Variants in PALLD observed in about 807,000 individuals in gnomAD.
PALLD encodes the protein palladin, cytoskeletal associated protein.
A neutral mutation model predicts 123.5 loss-of-function variants in PALLD; 61 were observed. That is an observed-to-expected ratio of 0.49 (90% CI 0.40 to 0.61). The LOEUF (loss-of-function observed/expected upper bound fraction) is 0.61, where lower values mean the gene tolerates loss of function less well. Ranked by LOEUF, PALLD falls within the 20% of genes least tolerant of loss-of-function variation. PALLD has a pLI of 0.00. For synonymous variants in PALLD, 465 were observed against 496.4 expected, an observed-to-expected ratio of 0.94 and a Z score of 0.84; for missense variants, 1,273 against 1,377.0, an observed-to-expected ratio of 0.92 and a Z score of 1.20.
chr4:168,573,578 T>C (rs1039572353), intron 2 of PALLD, among the ~76,000 whole-genome samples: 1 of 152,048 alleles, frequency 6.6e-6, no homozygotes, highest in Non-Finnish European at 1.5e-5. Flanking sequence ...GGACAATAAA[T>C]CAGTAACTAC....
At chr4:168,918,802 A>T (rs1760800839) in intron 17 of PALLD, among the ~76,000 whole-genome samples, 1 of 152,218 alleles carries the variant, frequency 6.6e-6, no homozygotes, top group Admixed American at 6.5e-5. Flanking sequence ...TCAATTAAAA[A>T]ACACTTAAAA....
At chr4:168,536,130 C>T (rs1458097304) in intron 2 of PALLD, among the ~76,000 whole-genome samples, 1 of 152,158 alleles carries the variant, frequency 6.6e-6, no homozygotes, top group Non-Finnish European at 1.5e-5. Flanking sequence ...TTTTAATAAT[C>T]TAATTATTCC....
At chr4:168,601,577 T>G (rs919042356) in intron 2 of PALLD, among the ~76,000 whole-genome samples, 5 of 152,076 alleles carry the variant, frequency 3.3e-5, no homozygotes, top group Non-Finnish European at 5.9e-5. Flanking sequence ...CATTCCTCTC[T>G]CTGAATAGAT....
At chr4:168,592,834 G>A (rs1454909014) in intron 2 of PALLD, among the ~76,000 whole-genome samples, 1 of 152,012 alleles carries the variant, frequency 6.6e-6, no homozygotes, top group East Asian at 1.9e-4. Flanking sequence ...ATTATACTGT[G>A]TGGGGCAACA....
At chr4:168,654,541 C>T (rs1250580573) in intron 2 of PALLD, among the ~76,000 whole-genome samples, 5 of 152,188 alleles carry the variant, frequency 3.3e-5, no homozygotes, top group Non-Finnish European at 7.3e-5. Flanking sequence ...AGTTTTCCTA[C>T]TTTTAAAAAC....
intron 2 of PALLD, among the ~76,000 whole-genome samples, chr4:168,639,951 G>A (rs140615483): frequency 1.1e-4 from 17 of 152,204 alleles, no homozygotes; most frequent in African/African-American, 4.1e-4. Flanking sequence ...CACAGTTCTT[G>A]TTCTCCAACA....
rs746597278 is a variant in PALLD, at chr4:168,785,058, C to CTTTTTTTTTTTT, written c.1964+73153_1964+73164dup. The stretch of plus-strand genomic sequence containing the variant: ...AGCCCCAGCTTTTTTCTCCCTTTTG[C>CTTTTTTTTTTTT]TTTTTTTTTTTTTTTTTTTTTTTTT... On this transcript the variant is annotated intron_variant, in intron 10 of 21. Coordinates refer to ENST00000505667, the MANE Select transcript of PALLD (RefSeq NM_001166108.2). Among the ~76,000 whole-genome samples the CTTTTTTTTTTTT allele has an allele frequency of 4.8e-4, 41 of 84,792 alleles. 2 individuals carry two copies. The highest frequency in any genetic ancestry group is 1.4e-3 in the African/African-American group (28 of 19,926). The allele number at this position is 84,792 out of a possible 152,430, so 55.6% of individuals were successfully genotyped here.
chr4:168,789,185 G>A lies in PALLD; in HGVS notation c.1964+77262G>A, dbSNP rs1737163203. ...TTGACACTCTCATTCATGTCTTTTAGTGTTGGTGAGCATTTCTGTAAATTT... is the reference window on the plus strand; with the variant it reads ...TTGACACTCTCATTCATGTCTTTTAATGTTGGTGAGCATTTCTGTAAATTT... On this transcript the variant is annotated intron_variant, in intron 10 of 21. Transcript: ENST00000505667. Among the ~76,000 whole-genome samples the A allele has an allele frequency of 2.6e-5, 4 of 152,084 alleles. No homozygotes were observed. In the South Asian group the frequency reaches 8.3e-4, roughly 31 times the overall value.
intron 2 of PALLD, among the ~76,000 whole-genome samples, chr4:168,558,825 T>C (rs1334653451): frequency 6.6e-6 from 1 of 152,142 alleles, no homozygotes; most frequent in Non-Finnish European, 1.5e-5. Context: ...TAATCAACAT[T>C]ACAAAGGAAA....
chr4:168,573,046 C>T (rs1769157243), intron 2 of PALLD, among the ~76,000 whole-genome samples: 1 of 81,824 alleles, frequency 1.2e-5, no homozygotes, highest in Non-Finnish European at 2.6e-5. Flanking sequence ...CCTCTCCACC[C>T]TCATCTACCA....
chr4:168,652,207 T>C (rs1778124501), intron 2 of PALLD, among the ~76,000 whole-genome samples: 1 of 152,202 alleles, frequency 6.6e-6, no homozygotes, highest in Non-Finnish European at 1.5e-5. Flanking sequence ...TGATTTTCTT[T>C]ACTCTATAGG....
chr4:168,796,559 C>A (rs1248664539), intron 10 of PALLD, among the ~76,000 whole-genome samples: 1 of 152,146 alleles, frequency 6.6e-6, no homozygotes, highest in Non-Finnish European at 1.5e-5. Flanking sequence ...GGCCCAGGAT[C>A]TGAACCATAG....
intron 11 of PALLD, among the ~76,000 whole-genome samples, chr4:168,892,500 G>C (rs1357159625): frequency 6.6e-6 from 1 of 152,132 alleles, no homozygotes; most frequent in Non-Finnish European, 1.5e-5. Flanking sequence ...ATCTTAATCT[G>C]ATTAAGAAAG....
At chr4:168,653,894 G>A (rs1183469961) in intron 2 of PALLD, among the ~76,000 whole-genome samples, 3 of 151,894 alleles carry the variant, frequency 2.0e-5, no homozygotes, top group Admixed American at 1.3e-4. Flanking sequence ...TAGAGACAGG[G>A]TTTCACCATG....
intron 2 of PALLD, among the ~76,000 whole-genome samples, chr4:168,522,825 A>G (rs1325166261): frequency 1.3e-5 from 2 of 152,190 alleles, no homozygotes; most frequent in Admixed American, 6.5e-5. Flanking sequence ...ATCCTATTGG[A>G]TATCTGCTGA....
intron 2 of PALLD, among the ~76,000 whole-genome samples, chr4:168,514,709 C>T (rs752412697): frequency 3.3e-5 from 5 of 152,120 alleles, no homozygotes; most frequent in Non-Finnish European, 5.9e-5. Flanking sequence ...CAAAACAGTT[C>T]CACAGGTTTT....
chr4:168,540,241 T>TG (rs1335191878), intron 2 of PALLD, among the ~76,000 whole-genome samples: 2 of 152,206 alleles, frequency 1.3e-5, no homozygotes, highest in East Asian at 3.8e-4. Flanking sequence ...GCGACTACTA[T>TG]CAGATTCCAT....
chr4:168,893,564 A>G (rs1754500568), intron 11 of PALLD, among the ~76,000 whole-genome samples: 1 of 152,162 alleles, frequency 6.6e-6, no homozygotes, highest in Non-Finnish European at 1.5e-5. Flanking sequence ...ATCTGAAATA[A>G]TTTCTGTACA....
chr4:168,679,264 GGT>G (rs1417697672), intron 3 of PALLD, among the ~76,000 whole-genome samples: 1 of 108,196 alleles, frequency 9.2e-6, no homozygotes, highest in Admixed American at 9.5e-5. Context: ...TGTGTGGTGG[GGT>G]GTGTGTGGTG....
Sources: gnomAD v4.1 joint callset for allele counts (sites outside exome capture counted in the v4.1 genomes callset) on GRCh38, gnomAD v4.1.1 for gene constraint, MANE v1.5 for transcripts, NCBI Gene and HGNC (gene_info 2026-07-23, HGNC 2026-07-21) for gene names.